The following ANO1 variants were observed in gnomAD, a reference collection of about 807,000 sequenced individuals.
The protein encoded by ANO1 is anoctamin-1.
ANO1 carries 59 observed loss-of-function variants against 124.0 expected under a neutral mutation model. The observed-to-expected ratio is 0.48, with a 90% CI of 0.39 to 0.59. The LOEUF (loss-of-function observed/expected upper bound fraction) is 0.59. Ranked by LOEUF, ANO1 falls within the 20% of genes least tolerant of loss-of-function variation. The pLI is 0.00. For synonymous variants in ANO1, 529 were observed against 532.0 expected (o/e 0.99, Z 0.08); for missense variants, 1,059 against 1,328.0 (o/e 0.80, Z 3.15).
chr11:70,002,883 A>G (rs1333920838), intron 1 of ANO1, among the ~76,000 whole-genome samples: 1 of 152,208 alleles, frequency 6.6e-6, no homozygotes, highest in Non-Finnish European at 1.5e-5. Flanking sequence ...ATCTGAGTGC[A>G]AAAAACAAAA....
chr11:70,011,524 T>C (rs1856598190), intron 1 of ANO1, among the ~76,000 whole-genome samples: 1 of 152,126 alleles, frequency 6.6e-6, no homozygotes, highest in Non-Finnish European at 1.5e-5. Context: ...ATATCCTTCA[T>C]CCATTTTCAA....
chr11:70,082,768 C>T (rs2044241949), intron 1 of ANO1, among the ~76,000 whole-genome samples: 1 of 152,214 alleles, frequency 6.6e-6, no homozygotes, highest in African/African-American at 2.4e-5. Flanking sequence ...GAAAGGCACC[C>T]ACTCCACTGC....
chr11:70,132,088 G>A lies in ANO1; in HGVS notation c.1258+9G>A. 1 of 1,579,524 alleles carries A rather than the reference G, an allele frequency of 6.3e-7. No homozygotes were observed. The highest frequency in any genetic ancestry group is 8.6e-7 in the Non-Finnish European group (1 of 1,167,880). ...CTTCATGGCCCTCTGGGGTAAGCAGGGCTCCAGAGCACTGGGTTTTTGGGC... is the reference window on the plus strand; with the variant it reads ...CTTCATGGCCCTCTGGGGTAAGCAGAGCTCCAGAGCACTGGGTTTTTGGGC... On this transcript the variant is annotated intron_variant, in intron 11 of 25. Coordinates refer to ENST00000355303, the MANE Select transcript of ANO1 (RefSeq NM_018043.7).
At chr11:70,033,939 ATAAG>A (rs1857050873) in intron 1 of ANO1, among the ~76,000 whole-genome samples, 1 of 151,984 alleles carries the variant, frequency 6.6e-6, no homozygotes, top group Admixed American at 6.5e-5. Flanking sequence ...CTATCTTGAA[ATAAG>A]TAAGAATTCA....
intron 4 of ANO1, among the ~76,000 whole-genome samples, chr11:70,104,824 C>T (rs1314952923): frequency 1.3e-5 from 2 of 152,092 alleles, no homozygotes; most frequent in Non-Finnish European, 2.9e-5. Context: ...ACAGTGCTGG[C>T]CTCACAGGGT....
chr11:70,021,455 G>A (rs562178900), intron 1 of ANO1, among the ~76,000 whole-genome samples: 2 of 147,780 alleles, frequency 1.4e-5, no homozygotes, highest in Non-Finnish European at 3.0e-5. Context: ...AATAAGGAGA[G>A]TGCTTTTTGT....
chr11:69,994,192 G>A (rs118117664), intron 1 of ANO1, among the ~76,000 whole-genome samples: 1,868 of 152,168 alleles, frequency 0.012, 19 homozygotes, highest in Non-Finnish European at 0.016. Flanking sequence ...CCCTTGCACC[G>A]TGTTCTTGGT....
the ANO1 span, among the ~76,000 whole-genome samples, chr11:69,977,474 TG>T: frequency 6.6e-6 from 1 of 152,132 alleles, no homozygotes; most frequent in South Asian, 2.1e-4. Context: ...TGTGAGTGGG[TG>T]GGGGGCAGGG....
In ANO1 at chr11:70,127,327, T is replaced by G. The variant is rs539605283; in HGVS notation, c.1097+1132T>G. 5.9e-5 allele frequency among the ~76,000 whole-genome samples: 9 copies of G among 152,314 alleles called. No individual in the cohort carries two copies. In the South Asian group the frequency reaches 1.5e-3, roughly 25 times the overall value. On this transcript the variant is annotated intron_variant, in intron 10 of 25. Transcript: ENST00000355303. ...TTCCTAAGGCTGCCTGCTTCCCTTA[T>G]CTGCACGGCCCCGAGAAATTCTGCA...
intron 1 of ANO1, among the ~76,000 whole-genome samples, chr11:70,008,599 A>G (rs1008533711): frequency 2.7e-5 from 4 of 149,362 alleles, no homozygotes; most frequent in Non-Finnish European, 3.0e-5. Context: ...CCATTGGCCT[A>G]TGCGTCTTTC....
intron 1 of ANO1, among the ~76,000 whole-genome samples, chr11:70,022,589 G>C (rs549495734): frequency 1.1e-4 from 16 of 148,286 alleles, no homozygotes; most frequent in African/African-American, 3.7e-4. Context: ...CTTGGCAACA[G>C]AGTGAGACTC....
chr11:70,001,846 C>T (rs1048490531), intron 1 of ANO1, among the ~76,000 whole-genome samples: 1 of 152,094 alleles, frequency 6.6e-6, no homozygotes, highest in Admixed American at 6.5e-5. Context: ...GTCACCCAGG[C>T]TGGAGTGCAG....
intron 1 of ANO1, among the ~76,000 whole-genome samples, chr11:70,022,876 A>G (rs1337294321): frequency 2.6e-5 from 4 of 152,204 alleles, no homozygotes; most frequent in Non-Finnish European, 4.4e-5. Context: ...GGTGGGCCCA[A>G]CATCATCACA....
intron 8 of ANO1, 84 bp downstream of exon 8, chr11:70,116,583 G>A (rs2045984856): frequency 2.8e-6 from 4 of 1,410,554 alleles, no homozygotes; most frequent in African/African-American, 2.9e-5. Context: ...GCTGGACCGA[G>A]GACTTACCGG....
intron 1 of ANO1, among the ~76,000 whole-genome samples, chr11:70,017,025 G>T (rs78845649): frequency 0.093 from 14,169 of 152,190 alleles, 1,017 homozygotes; most frequent in East Asian, 0.41. Context: ...CCAGGCTGCC[G>T]GGGGCAAGGA....
At chr11:70,138,770 GT>G (rs1299849923) in intron 11 of ANO1, among the ~76,000 whole-genome samples, 2 of 151,216 alleles carry the variant, frequency 1.3e-5, no homozygotes, top group African/African-American at 4.9e-5. Context: ...TTTAGTTGCA[GT>G]TTTTTTTTCT....
chr11:69,985,108 C>T (rs1232051427), upstream of ANO1, among the ~76,000 whole-genome samples: 3 of 152,306 alleles, frequency 2.0e-5, no homozygotes, highest in Non-Finnish European at 2.9e-5. Context: ...TGGAGAGGGG[C>T]AATCCCGGCT....
At chr11:70,096,195 A>G (rs889041263) in intron 2 of ANO1, among the ~76,000 whole-genome samples, 1 of 152,224 alleles carries the variant, frequency 6.6e-6, no homozygotes, top group African/African-American at 2.4e-5. Flanking sequence ...GACCTTGTCC[A>G]GAAAGGTTTG....
intron 6 of ANO1, 62 bp downstream of exon 6, chr11:70,108,466 G>A: frequency 1.3e-6 from 2 of 1,563,538 alleles, no homozygotes; most frequent in Non-Finnish European, 1.8e-6. Context: ...TCACCTCCGA[G>A]TCATCTCTGT....
Sources: gnomAD v4.1 joint callset for allele counts (sites outside exome capture counted in the v4.1 genomes callset) on GRCh38, gnomAD v4.1.1 for gene constraint, MANE v1.5 for transcripts, NCBI Gene and HGNC (gene_info 2026-07-23, HGNC 2026-07-21) for gene names.